Variants in KRR1 observed in about 807,000 individuals in gnomAD.
KRR1 encodes the protein KRR1 small subunit processome component.
A neutral mutation model predicts 50.0 loss-of-function variants in KRR1; 23 were observed. The observed-to-expected ratio is 0.46, with a 90% confidence interval of 0.33 to 0.65. The LOEUF (loss-of-function observed/expected upper bound fraction) is 0.65, where lower values mean the gene tolerates loss of function less well. Among genes scored for constraint, KRR1 ranks in the 30% least tolerant of loss-of-function variants. KRR1 has a pLI of 0.02. For missense variants in KRR1, 419 were observed against 442.4 expected (o/e 0.95, Z 0.47); for synonymous variants, 133 against 146.3 (o/e 0.91, Z 0.66).
Position 75,506,488 on chromosome 12 carries a change from A to G in KRR1, c.515T>C (p.Leu172Ser), listed in dbSNP as rs759069916. 9 of 1,611,268 alleles carry G rather than the reference A, an allele frequency of 5.6e-6. No individual in the cohort carries two copies. The highest frequency in any genetic ancestry group is 8.5e-7 in the Non-Finnish European group (1 of 1,179,008). ...TTTCCACTAATTAAAAAATACCTTC[A>G]ATGTAGATCCTTTGGGACCAATAAG... ...QRLIGPKGST[L>S]KALELLTNCY... Residue 172 changes from leucine (L) to serine (S), a missense_variant, in exon 4 of 10, where the codon TTG (leucine) becomes TCG (serine). Transcript: ENST00000229214.
In KRR1 at chr12:75,496,002, TTTTTTTG is replaced by T. The variant is rs1307265007; in HGVS notation, c.*3800_*3806del. 36 of 129,646 alleles carry T rather than the reference TTTTTTTG, an allele frequency of 2.8e-4. No individual in the cohort carries two copies. Among genetic ancestry groups the T allele is most frequent in the Admixed American group, 7.0e-4 (9 of 12,838 alleles). The allele number at this position is 129,646 out of a possible 1,614,324, so 8.0% of individuals were successfully genotyped here. ...ACAAACAGAATTCTGTTTTCGTTTT[TTTTTTTG>T]TTTTTTTTTTTTGAGACAGAGTCTT... On this transcript the variant is annotated 3_prime_UTR_variant, in exon 10 of 10. Transcript: ENST00000229214.
At chr12:75,503,724 C>A in intron 7 of KRR1, 180 bp downstream of exon 7, 1 of 494,136 alleles carries the variant, frequency 2.0e-6, no homozygotes, top group African/African-American at 1.9e-5. Flanking sequence ...CTGCACACCC[C>A]CATGCACTCA....
At chr12:75,507,679 A>G (rs2046428769) in intron 2 of KRR1, among the ~76,000 whole-genome samples, 1 of 152,168 alleles carries the variant, frequency 6.6e-6, no homozygotes, top group African/African-American at 2.4e-5. Context: ...CACATTTTAT[A>G]TCACAACCTA....
In KRR1 at chr12:75,495,681, A is replaced by G. The variant is rs746037511; in HGVS notation, c.*4128T>C. 2 of 1,335,816 alleles carry G rather than the reference A, an allele frequency of 1.5e-6. No homozygotes were observed. The highest frequency in any genetic ancestry group is 2.2e-6 in the Non-Finnish European group (2 of 928,370). 82.7% of individuals were successfully genotyped at this position (1,335,816 alleles called of 1,614,324 possible). On this transcript the variant is annotated 3_prime_UTR_variant, in exon 10 of 10. Transcript: ENST00000229214. Reference sequence around the variant, plus strand: ...CTCTGTGGTGAGTAAAAGGAACAATACACCAATAGAATAACATAATAGTAA... The same window carrying G: ...CTCTGTGGTGAGTAAAAGGAACAATGCACCAATAGAATAACATAATAGTAA...
chr12:75,492,622 C>A lies in KRR1; in HGVS notation c.*7187G>T, dbSNP rs2046329734. The A allele has an allele frequency of 6.6e-6, 1 of 152,058 alleles. No individual in the cohort carries two copies. The highest frequency in any genetic ancestry group is 6.5e-5 in the Admixed American group (1 of 15,268). 9.4% of individuals were successfully genotyped at this position (152,058 alleles called of 1,614,324 possible). A position where few individuals can be genotyped will look rare whatever the true frequency, so the allele number is the denominator to read the frequency against. ...CATTAAAGTATAAATGTAAATTTTC[C>A]TGGTTTAGACTCACTTATCTTCAGA... On this transcript the variant is annotated 3_prime_UTR_variant, in exon 10 of 10. Transcript: ENST00000229214.
chr12:75,508,172 T>C (rs2046431113), intron 2 of KRR1, 102 bp downstream of exon 2: 5 of 736,138 alleles, frequency 6.8e-6, no homozygotes, highest in Non-Finnish European at 1.0e-5. Context: ...CCAGCTATGT[T>C]AGCACCATTA....
At position 75,494,201 on chromosome 12, in the gene KRR1, AGGT is replaced by A. The variant is rs1311159149; in HGVS notation, c.*5605_*5607del. The A allele has an allele frequency of 6.6e-6, 1 of 152,246 alleles. No homozygotes were observed. Among genetic ancestry groups the A allele is most frequent in the African/African-American group, 2.4e-5 (1 of 41,454 alleles). 9.4% of individuals were successfully genotyped at this position (152,246 alleles called of 1,614,324 possible). ...GTATCGTTATAAAGTTGTGTGTCTA[AGGT>A]GAGAGTTCTCAACTTTGGAGGTAAT... On this transcript the variant is annotated 3_prime_UTR_variant, in exon 10 of 10. Coordinates refer to ENST00000229214, the MANE Select transcript of KRR1 (RefSeq NM_007043.7).
At position 75,498,705 on chromosome 12, in the gene KRR1, C is replaced by T. The variant is rs1298363933; in HGVS notation, c.*1104G>A. The T allele has an allele frequency of 9.9e-6, 16 of 1,612,094 alleles. No individual in the cohort carries two copies. The highest frequency in any genetic ancestry group is 3.3e-5 in the Admixed American group (2 of 59,910). ...CCCTAACTTTACAGTTAACCGACAGCGAGACCAAGTCAAACGTACGTACAT... is the reference window on the plus strand; with the variant it reads ...CCCTAACTTTACAGTTAACCGACAGTGAGACCAAGTCAAACGTACGTACAT... On this transcript the variant is annotated 3_prime_UTR_variant, in exon 10 of 10. Transcript: ENST00000229214.
In KRR1 at chr12:75,494,648, G is replaced by A. The variant is rs1329784113; in HGVS notation, c.*5161C>T. The A allele has an allele frequency of 1.3e-5, 2 of 152,158 alleles. No individual in the cohort carries two copies. Among genetic ancestry groups the A allele is most frequent in the East Asian group, 3.8e-4 (2 of 5,200 alleles). The allele number at this position is 152,158 out of a possible 1,614,324, so 9.4% of individuals were successfully genotyped here. On this transcript the variant is annotated 3_prime_UTR_variant, in exon 10 of 10. Coordinates refer to ENST00000229214, the MANE Select transcript of KRR1 (RefSeq NM_007043.7). ...GAGAAAGAGCCCATAGGCCTCACCA[G>A]ACTGCCAAAGGGTACGATTACACAA...
intron 7 of KRR1, 38 bp downstream of exon 7, chr12:75,503,866 G>A: frequency 6.5e-7 from 1 of 1,535,410 alleles, no homozygotes; most frequent in South Asian, 1.2e-5. Flanking sequence ...CATTAAAATA[G>A]ATTCTCCTTC....
chr12:75,493,103 G>A lies in KRR1; in HGVS notation c.*6706C>T, dbSNP rs905519152. The stretch of plus-strand genomic sequence containing the variant: ...TCGGTCTGCTAAACAGATGAAACGG[G>A]GGGAGGAAGGCAGTTGCAGATCTAG... On this transcript the variant is annotated 3_prime_UTR_variant, in exon 10 of 10. Transcript: ENST00000229214. The A allele has an allele frequency of 6.6e-6, 1 of 152,120 alleles. No homozygotes were observed. Among genetic ancestry groups the A allele is most frequent in the South Asian group, 2.1e-4 (1 of 4,824 alleles). The allele number at this position is 152,120 out of a possible 1,614,324, so 9.4% of individuals were successfully genotyped here.
At position 75,494,654 on chromosome 12, in the gene KRR1, C is replaced by T. The variant is rs1467642061; in HGVS notation, c.*5155G>A. 6.6e-6 allele frequency: 1 copy of T among 152,102 alleles called. No individual in the cohort carries two copies. The highest frequency in any genetic ancestry group is 6.5e-5 in the Admixed American group (1 of 15,268). 9.4% of individuals were successfully genotyped at this position (152,102 alleles called of 1,614,324 possible). A position where few individuals can be genotyped will look rare whatever the true frequency, so the allele number is the denominator to read the frequency against. ...GAGCCCATAGGCCTCACCAGACTGC[C>T]AAAGGGTACGATTACACAAAAAAGT... is the stretch of plus-strand genomic sequence containing the variant. On this transcript the variant is annotated 3_prime_UTR_variant, in exon 10 of 10. Coordinates refer to ENST00000229214, the MANE Select transcript of KRR1 (RefSeq NM_007043.7).
chr12:75,508,438 C>A lies in KRR1; in HGVS notation c.94G>T (p.Glu32Ter). 1 of 1,596,340 alleles carries A rather than the reference C, an allele frequency of 6.3e-7. No homozygotes were observed. The highest frequency in any genetic ancestry group is 8.5e-7 in the Non-Finnish European group (1 of 1,174,594). Residue 32 changes from glutamate to a stop codon, truncating the protein, a stop_gained, in exon 2 of 10, where the codon GAA becomes TAA. Transcript: ENST00000229214. LOFTEE classifies it high-confidence loss of function. ...KPKPENQDESELLTVPDGWKE... is the reference protein window; with the variant it reads ...KPKPENQDES ...CAACCATCAGGAACCGTAAGGAGTT[C>A]TGATTCATCTACAGAAAGGAAAAAA... is the stretch of plus-strand genomic sequence containing the variant.
chr12:75,503,948 TAAC>T lies in KRR1; in HGVS notation c.784_786del (p.Val262del), dbSNP rs2046410872. 1 of 1,612,130 alleles carries T rather than the reference TAAC, an allele frequency of 6.2e-7. No individual in the cohort carries two copies. The highest frequency in any genetic ancestry group is 1.3e-5 in the African/African-American group (1 of 74,824). On this transcript the variant is annotated inframe_deletion, in exon 7 of 10. Transcript: ENST00000229214. Reference sequence around the variant, plus strand: ...GGTGGGAATGGCGTATATTCTTTCTTAACAGTTTTTTTCTTTGGTTCCTTGCGT... The same window carrying T: ...GGTGGGAATGGCGTATATTCTTTCTTAGTTTTTTTCTTTGGTTCCTTGCGT...
At chr12:75,503,668 G>T in intron 7 of KRR1, 1 of 340,080 alleles carries the variant, frequency 2.9e-6, no homozygotes. Flanking sequence ...TGGCTACAGG[G>T]TCACAAACCT....
rs1397799056 is a variant in KRR1 at position 75,503,340 on chromosome 12, G to T, written c.831+564C>A. ...TCTAACTTAATTTGGTAGCCACGTT[G>T]CAAGGAAGAAGTCAAGTTTTTAGAC... On this transcript the variant is annotated intron_variant, in intron 7 of 9. Coordinates refer to ENST00000229214, the MANE Select transcript of KRR1 (RefSeq NM_007043.7). 7 of 152,220 alleles carry T rather than the reference G, an allele frequency of 4.6e-5. No individual in the cohort carries two copies. The East Asian group carries it at 1.4e-3, about 29-fold the overall frequency. The allele number at this position is 152,220 out of a possible 1,614,324, so 9.4% of individuals were successfully genotyped here. A position where few individuals can be genotyped will look rare whatever the true frequency, so the allele number is the denominator to read the frequency against.
chr12:75,508,202 A>T, intron 2 of KRR1, 72 bp downstream of exon 2: 2 of 1,024,150 alleles, frequency 2.0e-6, no homozygotes, highest in Non-Finnish European at 2.7e-6. Flanking sequence ...AAAAAGCATT[A>T]GCATACATAC....
Position 75,504,156 on chromosome 12 carries a change from T to C in KRR1, c.661-82A>G, listed in dbSNP as rs997029796. The C allele has an allele frequency of 1.3e-5, 12 of 935,924 alleles. No homozygotes were observed. In the Admixed American group the frequency reaches 1.4e-4, roughly 11 times the overall value. 58.0% of individuals were successfully genotyped at this position (935,924 alleles called of 1,614,324 possible). On this transcript the variant is annotated intron_variant, in intron 6 of 9. Transcript: ENST00000229214. ...ACTCAGACATTATAAATATTGCTTC[T>C]ATAAATAATAAAAGAAACAGTTCCT...
intron 9 of KRR1, 199 bp downstream of exon 9, chr12:75,501,524 A>T: frequency 1.8e-6 from 1 of 544,520 alleles, no homozygotes. Context: ...CTGTCAATCC[A>T]GTTTGCACTG....
Sources: gnomAD v4.1 joint callset for allele counts (sites outside exome capture counted in the v4.1 genomes callset) on GRCh38, gnomAD v4.1.1 for gene constraint, MANE v1.5 for transcripts, NCBI Gene and HGNC (gene_info 2026-07-23, HGNC 2026-07-21) for gene names.